SDK1: variants seen among roughly 807,000 people sequenced by gnomAD.
The protein encoded by SDK1 is sidekick cell adhesion molecule 1, also known as protein sidekick-1.
Under a neutral mutation model 245.5 loss-of-function variants are expected in SDK1, and 157 were observed. The ratio of observed to expected loss-of-function variants is 0.64; its 90% confidence interval spans 0.56 to 0.73. SDK1 has a LOEUF of 0.73. Ranked by LOEUF, SDK1 falls within the 30% of genes least tolerant of loss-of-function variation. The pLI is 0.00. For missense variants in SDK1, 3,583 were observed against 3,002.3 expected (o/e 1.19, Z -4.52); for synonymous variants, 1,647 against 1,278.5 (o/e 1.29, Z -6.15).
chr7:3,464,698 G>T (rs1012672853), intron 1 of SDK1, among the ~76,000 whole-genome samples: 5 of 148,114 alleles, frequency 3.4e-5, no homozygotes, highest in South Asian at 2.1e-4. Context: ...GTGTATGTAT[G>T]TATATATATA....
chr7:3,982,120 AT>A (rs1783452498), intron 13 of SDK1, among the ~76,000 whole-genome samples: 1 of 152,196 alleles, frequency 6.6e-6, no homozygotes, highest in African/African-American at 2.4e-5. Flanking sequence ...TGTGCTGAAA[AT>A]CTTAGGGCTC....
intron 4 of SDK1, among the ~76,000 whole-genome samples, chr7:3,708,709 C>G (rs1163539788): frequency 6.6e-6 from 1 of 152,070 alleles, no homozygotes; most frequent in Non-Finnish European, 1.5e-5. Flanking sequence ...CCAGTTACCT[C>G]CCACCAGGCC....
At chr7:3,560,954 A>G (rs938500904) in intron 1 of SDK1, among the ~76,000 whole-genome samples, 3 of 152,276 alleles carry the variant, frequency 2.0e-5, no homozygotes, top group South Asian at 4.1e-4. Context: ...CATTCCACCT[A>G]CAATTTCGCA....
intron 4 of SDK1, among the ~76,000 whole-genome samples, chr7:3,778,198 T>C (rs560829941): frequency 4.6e-4 from 70 of 152,308 alleles, no homozygotes; most frequent in African/African-American, 1.6e-3. Context: ...AATGTTTGTT[T>C]TCCTTATTAA....
Position 3,355,172 on chromosome 7 carries a change from C to G in SDK1, c.298+53288C>G, listed in dbSNP as rs187849698. On this transcript the variant is annotated intron_variant, in intron 1 of 44. Coordinates refer to ENST00000404826, the MANE Select transcript of SDK1 (RefSeq NM_152744.4). The stretch of plus-strand genomic sequence containing the variant: ...AAAGTAATTGAAGATTTCAGAGTAT[C>G]TTATATCTAAAAATTGTGAATATTC... Among the ~76,000 whole-genome samples the G allele has an allele frequency of 4.3e-4, 66 of 152,282 alleles. 2 individuals carry two copies. Among genetic ancestry groups the G allele is most frequent in the African/African-American group, 1.4e-3 (58 of 41,556 alleles).
intron 1 of SDK1, among the ~76,000 whole-genome samples, chr7:3,393,691 A>G (rs934079471): frequency 8.5e-5 from 13 of 152,120 alleles, no homozygotes; most frequent in African/African-American, 3.1e-4. Context: ...TTTCTGCTTG[A>G]TTCTTTTTAA....
At chr7:3,880,976 C>G (rs958235287) in intron 5 of SDK1, among the ~76,000 whole-genome samples, 1 of 152,118 alleles carries the variant, frequency 6.6e-6, no homozygotes, top group African/African-American at 2.4e-5. Flanking sequence ...GAGTAACAAG[C>G]CGCCCACTCA....
rs73673220 is a variant in SDK1, at chr7:3,999,961, G to A, written c.2132-11005G>A. Among the ~76,000 whole-genome samples, 809 of 152,282 alleles carry A rather than the reference G, an allele frequency of 5.3e-3. 5 individuals carry two copies. The highest frequency in any genetic ancestry group is 0.018 in the African/African-American group (763 of 41,564). Reference sequence around the variant, plus strand: ...GTACAACAAAGAGCTGCACAAAGCTGGGAGCTAGGCAAGGTGGTGTGAAAG... The same window carrying A: ...GTACAACAAAGAGCTGCACAAAGCTAGGAGCTAGGCAAGGTGGTGTGAAAG... On this transcript the variant is annotated intron_variant, in intron 14 of 44. Coordinates refer to ENST00000404826, the MANE Select transcript of SDK1 (RefSeq NM_152744.4).
chr7:3,758,201 A>G (rs148445215), intron 4 of SDK1, among the ~76,000 whole-genome samples: 1 of 152,334 alleles, frequency 6.6e-6, no homozygotes, highest in African/African-American at 2.4e-5. Flanking sequence ...CTTTGAGGCA[A>G]TGCAAATATC....
chr7:4,091,353 TTTTG>T (rs1781789834), intron 22 of SDK1, among the ~76,000 whole-genome samples: 1 of 145,496 alleles, frequency 6.9e-6, no homozygotes, highest in African/African-American at 2.6e-5. Context: ...TTTTTTTTTT[TTTTG>T]TTTGAGACAG....
chr7:4,116,865 A>C lies in SDK1; in HGVS notation c.3823+2591A>C, dbSNP rs2128192906. On this transcript the variant is annotated intron_variant, in intron 25 of 44. Coordinates refer to ENST00000404826, the MANE Select transcript of SDK1 (RefSeq NM_152744.4). The stretch of plus-strand genomic sequence containing the variant: ...GTGCTTCTGAGAGGACCAGTGTTTC[A>C]GGATGGAACTGCCCAAGCAGCAGGG... 2.0e-5 allele frequency among the ~76,000 whole-genome samples: 3 copies of C among 152,322 alleles called. No individual in the cohort carries two copies. The South Asian group carries it at 6.2e-4, about 32-fold the overall frequency.
chr7:3,304,627 C>T (rs1011400885), intron 1 of SDK1, among the ~76,000 whole-genome samples: 1 of 152,194 alleles, frequency 6.6e-6, no homozygotes, highest in Non-Finnish European at 1.5e-5. Context: ...GTGTTAGAAT[C>T]ACCTGGGGAA....
chr7:3,749,925 A>G (rs925707867), intron 4 of SDK1, among the ~76,000 whole-genome samples: 1 of 152,212 alleles, frequency 6.6e-6, no homozygotes, highest in Non-Finnish European at 1.5e-5. Context: ...AGCTGTGTGA[A>G]TCAATATAAA....
intron 4 of SDK1, among the ~76,000 whole-genome samples, chr7:3,816,473 C>T (rs1004363885): frequency 2.2e-4 from 33 of 150,292 alleles, no homozygotes; most frequent in African/African-American, 4.2e-4. Flanking sequence ...AACACCTCTA[C>T]GCAAATAAAC....
chr7:4,104,341 G>A (rs188897819), intron 22 of SDK1, among the ~76,000 whole-genome samples: 7 of 152,286 alleles, frequency 4.6e-5, no homozygotes, highest in African/African-American at 1.4e-4. Context: ...GATTATAGGC[G>A]TGAGCCACTG....
At chr7:4,201,968 C>T (rs1208871745) in intron 35 of SDK1, among the ~76,000 whole-genome samples, 4 of 152,206 alleles carry the variant, frequency 2.6e-5, no homozygotes, top group African/African-American at 4.8e-5. Flanking sequence ...ACATGCACCC[C>T]GTGTTCCCAC....
chr7:3,543,526 C>G (rs974273149), intron 1 of SDK1, among the ~76,000 whole-genome samples: 5 of 152,198 alleles, frequency 3.3e-5, no homozygotes, highest in African/African-American at 7.2e-5. Flanking sequence ...CAGGGGCCAC[C>G]TCTACTCGTA....
intron 5 of SDK1, among the ~76,000 whole-genome samples, chr7:3,899,284 A>G (rs1168021763): frequency 1.3e-5 from 2 of 152,088 alleles, no homozygotes; most frequent in South Asian, 2.1e-4. Flanking sequence ...CACTTTTTCC[A>G]TGACACATCT....
chr7:3,473,887 G>C (rs984728999), intron 1 of SDK1, among the ~76,000 whole-genome samples: 17 of 151,724 alleles, frequency 1.1e-4, no homozygotes, highest in Admixed American at 9.2e-4. Flanking sequence ...TATGTTCCTA[G>C]CTACCACAGC....
Sources: allele counts gnomAD v4.1 joint callset (sites outside exome capture counted in the v4.1 genomes callset), GRCh38; gene constraint gnomAD v4.1.1; transcripts MANE v1.5; gene names NCBI Gene and HGNC (gene_info 2026-07-23, HGNC 2026-07-21).